DYNLT2B: variants seen among roughly 807,000 people sequenced by gnomAD.
DYNLT2B encodes dynein light chain Tctex-type protein 2B.
Under a neutral mutation model 19.5 loss-of-function variants are expected in DYNLT2B, and 14 were observed. The ratio of observed to expected loss-of-function variants is 0.72; its 90% CI spans 0.47 to 1.12. DYNLT2B has a LOEUF of 1.12. Ranked by LOEUF, DYNLT2B falls within the 50% of genes most tolerant of loss-of-function variation. The probability of loss-of-function intolerance (pLI) is 0.00; values close to 1 mark genes in which losing one functional copy is unlikely to be tolerated. For missense variants in DYNLT2B, 133 were observed against 174.7 expected (o/e 0.76, Z 1.35); for synonymous variants, 70 against 59.7 (o/e 1.17, Z -0.79).
rs556322514 is a variant in DYNLT2B, at chr3:196,299,885, G to A, written c.318-3816C>T. 7.4e-4 allele frequency among the ~76,000 whole-genome samples: 113 copies of A among 152,106 alleles called. 1 individual carries two copies. Among genetic ancestry groups the A allele is most frequent in the African/African-American group, 2.5e-3 (105 of 41,500 alleles). ...GGCGGAGCTTGCAGTGAGCCGAGAT[G>A]GCACCACTGCACTCCAGCCTGGGCA... On this transcript the variant is annotated intron_variant, in intron 3 of 4. Transcript: ENST00000325318.
At chr3:196,313,529 A>G (rs891627521) in intron 2 of DYNLT2B, among the ~76,000 whole-genome samples, 6 of 152,102 alleles carry the variant, frequency 3.9e-5, no homozygotes, top group Non-Finnish European at 7.4e-5. Flanking sequence ...GGTGGCATTC[A>G]GGTGATTTTT....
chr3:196,313,368 G>T (rs1726691016), intron 2 of DYNLT2B, among the ~76,000 whole-genome samples: 1 of 151,844 alleles, frequency 6.6e-6, no homozygotes, highest in Non-Finnish European at 1.5e-5. Context: ...GCTAATTTTT[G>T]TATTTTTCTA....
chr3:196,313,786 G>T (rs1726701331), intron 2 of DYNLT2B, among the ~76,000 whole-genome samples: 1 of 152,022 alleles, frequency 6.6e-6, no homozygotes, highest in African/African-American at 2.4e-5. Context: ...AATAGTAACT[G>T]CCTTTGGTTA....
rs546590552 is a variant in DYNLT2B at position 196,309,897 on chromosome 3, A to C, written c.248-2885T>G. Among the ~76,000 whole-genome samples, 25 of 151,740 alleles carry C rather than the reference A, an allele frequency of 1.6e-4. No individual in the cohort carries two copies. The South Asian group carries it at 5.2e-3, about 32-fold the overall frequency. On this transcript the variant is annotated intron_variant, in intron 2 of 4. Coordinates refer to ENST00000325318, the MANE Select transcript of DYNLT2B (RefSeq NM_152773.5). ...TGGGAGGTGGAGGTTAAGGTGAGCC[A>C]AGATTGCGCCATTGCACTCCAGCTT...
intron 3 of DYNLT2B, among the ~76,000 whole-genome samples, chr3:196,306,737 C>T (rs2108794614): frequency 6.6e-6 from 1 of 152,110 alleles, no homozygotes. Flanking sequence ...GACGGGGTTT[C>T]GCCATGTTGG....
chr3:196,298,131 AC>A, intron 3 of DYNLT2B: 1 of 351,826 alleles, frequency 2.8e-6, no homozygotes, highest in Non-Finnish European at 5.6e-6. Flanking sequence ...CCAGTTTTCA[AC>A]CAGATCCACT....
chr3:196,296,576 G>C (rs1442128139), intron 3 of DYNLT2B, among the ~76,000 whole-genome samples: 1 of 150,964 alleles, frequency 6.6e-6, no homozygotes, highest in Non-Finnish European at 1.5e-5. Context: ...TGCAATTCTT[G>C]GATAAGAAAA....
chr3:196,296,703 A>C (rs774715297), intron 3 of DYNLT2B, among the ~76,000 whole-genome samples: 11 of 152,230 alleles, frequency 7.2e-5, no homozygotes, highest in Non-Finnish European at 1.6e-4. Flanking sequence ...TTTTTAAAAA[A>C]AGAAAAAAGA....
chr3:196,306,738 G>A (rs1217441719), intron 3 of DYNLT2B, among the ~76,000 whole-genome samples: 5 of 151,616 alleles, frequency 3.3e-5, no homozygotes, highest in East Asian at 3.9e-4. Context: ...ACGGGGTTTC[G>A]CCATGTTGGC....
intron 2 of DYNLT2B, among the ~76,000 whole-genome samples, chr3:196,310,156 C>A (rs1261949897): frequency 6.6e-6 from 1 of 151,872 alleles, no homozygotes; most frequent in Non-Finnish European, 1.5e-5. Context: ...GGGTGGAGTG[C>A]AATGGCAAGA....
chr3:196,304,940 G>T (rs1259137049), intron 3 of DYNLT2B, among the ~76,000 whole-genome samples: 6 of 152,258 alleles, frequency 3.9e-5, no homozygotes, highest in African/African-American at 1.4e-4. Context: ...GGAGTACAGT[G>T]GCACAATCAC....
chr3:196,299,552 G>A (rs1462162242), intron 3 of DYNLT2B, among the ~76,000 whole-genome samples: 1 of 152,114 alleles, frequency 6.6e-6, no homozygotes, highest in African/African-American at 2.4e-5. Context: ...AGCTAAGGAG[G>A]TAAAATCAGA....
rs139309833 is a variant in DYNLT2B at position 196,314,030 on chromosome 3, G to A, written c.247+2068C>T. 1.8e-4 allele frequency among the ~76,000 whole-genome samples: 27 copies of A among 152,064 alleles called. No individual in the cohort carries two copies. In the East Asian group the frequency reaches 4.1e-3, roughly 23 times the overall value. ...GGAGAATCGCTTGAACCCAGGAGGC[G>A]GAGATTGCAGTGAGCCAAGATCATG... On this transcript the variant is annotated intron_variant, in intron 2 of 4. Transcript: ENST00000325318.
At chr3:196,313,896 G>A (rs1203095996) in intron 2 of DYNLT2B, among the ~76,000 whole-genome samples, 3 of 151,788 alleles carry the variant, frequency 2.0e-5, no homozygotes, top group Non-Finnish European at 2.9e-5. Context: ...TCAGGAGTTC[G>A]AGATCAGCCT....
chr3:196,301,695 AGAGT>A (rs1726359380), intron 3 of DYNLT2B, among the ~76,000 whole-genome samples: 1 of 152,106 alleles, frequency 6.6e-6, no homozygotes, highest in Admixed American at 6.6e-5. Context: ...CCTGGGTGAC[AGAGT>A]GAGACTCTGT....
chr3:196,306,163 C>G (rs1442476146), intron 3 of DYNLT2B, among the ~76,000 whole-genome samples: 2 of 151,118 alleles, frequency 1.3e-5, no homozygotes, highest in Non-Finnish European at 3.0e-5. Context: ...TATAAGTCCA[C>G]CACTTTAGGA....
chr3:196,317,062 G>GGTGT (rs140998103), intron 1 of DYNLT2B, among the ~76,000 whole-genome samples: 18 of 52,274 alleles, frequency 3.4e-4, no homozygotes, highest in African/African-American at 8.6e-4. Context: ...GTGTGTGTGT[G>GGTGT]GTGTGTGTGT....
chr3:196,294,386 C>G (rs1420417979), intron 4 of DYNLT2B, among the ~76,000 whole-genome samples: 1 of 152,036 alleles, frequency 6.6e-6, no homozygotes, highest in Non-Finnish European at 1.5e-5. Flanking sequence ...TTGGTGAGAC[C>G]ATAGAATTTT....
Position 196,302,853 on chromosome 3 carries a change from C to T in DYNLT2B, c.317+4090G>A, listed in dbSNP as rs534186674. Among the ~76,000 whole-genome samples the T allele has an allele frequency of 9.2e-5, 14 of 151,888 alleles. No homozygotes were observed. In the South Asian group the frequency reaches 1.7e-3, roughly 18 times the overall value. On this transcript the variant is annotated intron_variant, in intron 3 of 4. Coordinates refer to ENST00000325318, the MANE Select transcript of DYNLT2B (RefSeq NM_152773.5). ...CAAGCTGCCCTTGTTCATTCCTGGG[C>T]GTAGGCTGAACTAACTTGGGGGGAA...
Sources: allele counts gnomAD v4.1 joint callset (sites outside exome capture counted in the v4.1 genomes callset), GRCh38; gene constraint gnomAD v4.1.1; transcripts MANE v1.5; gene names NCBI Gene and HGNC (gene_info 2026-07-23, HGNC 2026-07-21).